The following NTRK3 variants were observed in gnomAD, a reference collection of about 807,000 sequenced individuals.
NTRK3 encodes neurotrophic receptor tyrosine kinase 3.
A neutral mutation model predicts 91.7 loss-of-function variants in NTRK3; 24 were observed. The observed-to-expected ratio is 0.26, with a 90% CI of 0.19 to 0.37. NTRK3 has a LOEUF of 0.37. Ranked by LOEUF, NTRK3 falls within the 10% of genes least tolerant of loss-of-function variation. NTRK3 has a pLI of 1.00. For synonymous variants in NTRK3, 483 were observed against 404.0 expected, an observed-to-expected ratio of 1.20 and a Z score of -2.34; for missense variants, 880 against 1,068.9, an observed-to-expected ratio of 0.82 and a Z score of 2.46.
chr15:88,021,610 A>G (rs2077599056), intron 14 of NTRK3, among the ~76,000 whole-genome samples: 3 of 152,096 alleles, frequency 2.0e-5, no homozygotes, highest in South Asian at 2.1e-4. Flanking sequence ...AGCAATGCCT[A>G]TTCGTATCCT....
At chr15:87,967,777 T>C (rs954591493) in intron 14 of NTRK3, among the ~76,000 whole-genome samples, 1 of 152,228 alleles carries the variant, frequency 6.6e-6, no homozygotes, top group Non-Finnish European at 1.5e-5. Context: ...TTGTATATTT[T>C]CCACATTCCT....
At chr15:88,135,958 G>T in exon 9 of NTRK3, 1 of 1,614,232 alleles carries the variant, frequency 6.2e-7, no homozygotes, top group Non-Finnish European at 8.5e-7. Context: ...TGCAATGCAC[G>T]TCAGGGTGAA....
At chr15:87,979,158 C>A (rs1164590488) in intron 14 of NTRK3, 2 of 637,244 alleles carry the variant, frequency 3.1e-6, no homozygotes, top group South Asian at 1.9e-5. Context: ...GAAGGGGCAA[C>A]CCTGCCAGTG....
At chr15:88,047,612 CTG>C (rs1455637150) in intron 13 of NTRK3, among the ~76,000 whole-genome samples, 1 of 152,188 alleles carries the variant, frequency 6.6e-6, no homozygotes, top group Non-Finnish European at 1.5e-5. Flanking sequence ...CATCAAAAGT[CTG>C]TTTCTTCATG....
chr15:88,019,417 C>T (rs1025321335), intron 14 of NTRK3, among the ~76,000 whole-genome samples: 1 of 152,206 alleles, frequency 6.6e-6, no homozygotes, highest in Non-Finnish European at 1.5e-5. Flanking sequence ...GACATATGCC[C>T]TCCAGGCAAC....
intron 17 of NTRK3, among the ~76,000 whole-genome samples, chr15:87,916,764 A>T (rs1030317762): frequency 6.6e-6 from 1 of 150,970 alleles, no homozygotes; most frequent in African/African-American, 2.4e-5. Context: ...GAAAAGCACA[A>T]GGCTTTTTTT....
intron 5 of NTRK3, 147 bp downstream of exon 5, chr15:88,183,271 G>T: frequency 1.3e-6 from 1 of 752,502 alleles, no homozygotes; most frequent in Non-Finnish European, 2.3e-6. Context: ...CCTTTTAAGA[G>T]GCAAAATTGG....
intron 17 of NTRK3, among the ~76,000 whole-genome samples, chr15:87,913,034 G>A (rs1302227411): frequency 2.0e-5 from 3 of 146,526 alleles, no homozygotes; most frequent in African/African-American, 5.0e-5. Flanking sequence ...CATAGAGCTG[G>A]CAGGGAAAGC....
exon 19 of NTRK3, chr15:87,875,937 G>C (rs1425965980): frequency 2.6e-5 from 6 of 231,842 alleles, no homozygotes; most frequent in Non-Finnish European, 5.1e-5. Flanking sequence ...AGCGTGCTGT[G>C]TCTACATTCA....
At position 88,011,403 on chromosome 15, in the gene NTRK3, T is replaced by A. The variant is rs144110476; in HGVS notation, c.1585+21454A>T. Among the ~76,000 whole-genome samples, 190 of 152,308 alleles carry A rather than the reference T, an allele frequency of 1.2e-3. 2 individuals carry two copies. The highest frequency in any genetic ancestry group is 4.0e-3 in the African/African-American group (166 of 41,570). On this transcript the variant is annotated intron_variant, in intron 14 of 18. Transcript: ENST00000394480. ...TAAGTCTGTAAGGACTTACAAAATA[T>A]GCACATTTCCATATTAAACAGGAAG...
At chr15:87,900,883 T>G (rs921417009) in intron 17 of NTRK3, among the ~76,000 whole-genome samples, 2 of 152,092 alleles carry the variant, frequency 1.3e-5, no homozygotes, top group African/African-American at 4.8e-5. Context: ...AGTTGACCTT[T>G]AGGGATCATC....
At chr15:88,131,095 G>A (rs936169894) in intron 10 of NTRK3, among the ~76,000 whole-genome samples, 1 of 152,236 alleles carries the variant, frequency 6.6e-6, no homozygotes, top group African/African-American at 2.4e-5. Flanking sequence ...CCTCACCTTA[G>A]AGTTTCTAAT....
rs138423571 is a variant in NTRK3, at chr15:88,038,474, C to T, written c.1397-5429G>A. Among the ~76,000 whole-genome samples the T allele has an allele frequency of 2.6e-5, 4 of 152,302 alleles. No homozygotes were observed. In the East Asian group the frequency reaches 7.7e-4, roughly 29 times the overall value. The stretch of plus-strand genomic sequence containing the variant: ...AGCAGGGCTCCTTATAGGGCTACGG[C>T]TGGCACTGGGTCAAGACAAGTCTTC... On this transcript the variant is annotated intron_variant, in intron 13 of 18. Transcript: ENST00000394480.
intron 14 of NTRK3, among the ~76,000 whole-genome samples, chr15:88,002,272 A>G (rs1178017331): frequency 6.7e-6 from 1 of 150,118 alleles, no homozygotes; most frequent in East Asian, 2.0e-4. Context: ...AGGCTCACAC[A>G]GGAGAACTGT....
intron 13 of NTRK3, among the ~76,000 whole-genome samples, chr15:88,062,650 CTAT>C: frequency 6.6e-6 from 1 of 152,350 alleles, no homozygotes; most frequent in South Asian, 2.1e-4. Context: ...CTTGGACTGC[CTAT>C]TTCCAAACCT....
In NTRK3 at chr15:87,901,762, GGA is replaced by G. The variant is rs1195104944; in HGVS notation, c.2134-21336_2134-21335del. Among the ~76,000 whole-genome samples the G allele has an allele frequency of 3.5e-3, 510 of 144,586 alleles. 9 individuals are homozygous for G. Among genetic ancestry groups the G allele is most frequent in the African/African-American group, 0.013 (467 of 36,506 alleles). 94.9% of individuals were successfully genotyped at this position (144,586 alleles called of 152,430 possible). ...GGAAGAAAGGAAGGAGGAAAGTTGGGGAGGGGGGGAGAGGGGGAGAAAGGGAG... is the reference window on the plus strand; with the variant it reads ...GGAAGAAAGGAAGGAGGAAAGTTGGGGGGGGGGAGAGGGGGAGAAAGGGAG... On this transcript the variant is annotated intron_variant, in intron 17 of 18. Transcript: ENST00000394480.
At chr15:87,907,204 C>T (rs529884474) in intron 17 of NTRK3, among the ~76,000 whole-genome samples, 25 of 152,196 alleles carry the variant, frequency 1.6e-4, no homozygotes, top group Middle Eastern at 3.4e-3. Flanking sequence ...GAACCCGATG[C>T]GACTGAAATA....
intron 5 of NTRK3, among the ~76,000 whole-genome samples, chr15:88,160,503 AC>A (rs918751473): frequency 6.6e-6 from 1 of 152,210 alleles, no homozygotes; most frequent in African/African-American, 2.4e-5. Flanking sequence ...GGCTTTGCTG[AC>A]AGCTCAGACC....
intron 13 of NTRK3, among the ~76,000 whole-genome samples, chr15:88,106,687 T>C (rs541939916): frequency 6.6e-6 from 1 of 151,526 alleles, no homozygotes; most frequent in South Asian, 2.1e-4. Context: ...ATCCCAGCAC[T>C]TTGGGAGGCC....
Sources: allele counts gnomAD v4.1 joint callset (sites outside exome capture counted in the v4.1 genomes callset), GRCh38; gene constraint gnomAD v4.1.1; transcripts MANE v1.5; gene names NCBI Gene and HGNC (gene_info 2026-07-23, HGNC 2026-07-21).